H2BK1: variants seen among roughly 807,000 people sequenced by gnomAD.
H2BK1 encodes histone H2B type 2-K1.
At chr7:151,208,018 A>T in the H2BK1 span, 1 of 1,605,946 alleles carries the variant, frequency 6.2e-7, no homozygotes, top group South Asian at 1.1e-5. Flanking sequence ...CCAGCCGGGC[A>T]GCCTCACACG....
At chr7:151,209,146 C>T in the H2BK1 span, among the ~76,000 whole-genome samples, 5 of 151,986 alleles carry the variant, frequency 3.3e-5, no homozygotes, top group East Asian at 9.6e-4. Flanking sequence ...TGAGTACAGG[C>T]CTTGTCCCAC....
At chr7:151,208,095 T>C in the H2BK1 span, 42 of 1,613,694 alleles carry the variant, frequency 2.6e-5, no homozygotes, top group Non-Finnish European at 3.0e-5. Context: ...GAGATGCCAA[T>C]GTCAGGGTGC....
chr7:151,210,397 TG>T, the H2BK1 span: 1 of 185,316 alleles, frequency 5.4e-6, no homozygotes, highest in Non-Finnish European at 9.6e-6. Context: ...CAGGTGTGGC[TG>T]GGGACATGCA....
At chr7:151,208,248 C>T in the H2BK1 span, 1 of 717,792 alleles carries the variant, frequency 1.4e-6, no homozygotes. Context: ...CCAGCCCCTT[C>T]CCAGAGGCCA....
the H2BK1 span, among the ~76,000 whole-genome samples, chr7:151,209,045 C>A: frequency 7.2e-6 from 1 of 137,992 alleles, no homozygotes; most frequent in Non-Finnish European, 1.5e-5. Flanking sequence ...TCTGCCCAAA[C>A]CCCCTCTGCT....
the H2BK1 span, among the ~76,000 whole-genome samples, chr7:151,209,304 C>T: frequency 0.019 from 2,891 of 152,098 alleles, 100 homozygotes; most frequent in African/African-American, 0.066. Context: ...ACCCACCCAC[C>T]CCCAACCCCA....
the H2BK1 span, among the ~76,000 whole-genome samples, chr7:151,209,045 C>G: frequency 7.2e-6 from 1 of 137,992 alleles, no homozygotes; most frequent in East Asian, 2.3e-4. Flanking sequence ...TCTGCCCAAA[C>G]CCCCTCTGCT....
chr7:151,209,898 T>C, the H2BK1 span, among the ~76,000 whole-genome samples: 1 of 152,152 alleles, frequency 6.6e-6, no homozygotes, highest in Admixed American at 6.5e-5. Flanking sequence ...GAAAGTGTGG[T>C]CCTCTTGTCC....
the H2BK1 span, chr7:151,208,242 C>A: frequency 2.6e-6 from 2 of 770,476 alleles, no homozygotes; most frequent in Non-Finnish European, 2.2e-6. Flanking sequence ...TCCTCACCAG[C>A]CCCTTCCCAG....
At chr7:151,209,393 T>C in the H2BK1 span, among the ~76,000 whole-genome samples, 2 of 150,386 alleles carry the variant, frequency 1.3e-5, no homozygotes, top group African/African-American at 2.4e-5. Context: ...GCATTACCTC[T>C]GGGGCCTGCT....
At chr7:151,210,425 G>C in the H2BK1 span, 1,466 of 360,914 alleles carry the variant, frequency 4.1e-3, 49 homozygotes, top group African/African-American at 0.028. Flanking sequence ...AGGGGGGGGG[G>C]GGGCAGGTGG....
the H2BK1 span, chr7:151,210,205 G>T: frequency 7.5e-6 from 3 of 399,116 alleles, no homozygotes; most frequent in Non-Finnish European, 1.3e-5. Flanking sequence ...GCACCTTGTA[G>T]ATATACATGG....
the H2BK1 span, chr7:151,207,847 C>T: frequency 4.8e-6 from 4 of 828,562 alleles, no homozygotes; most frequent in Non-Finnish European, 8.4e-6. Context: ...AACAGTTCAC[C>T]CTTTATTTTT....
the H2BK1 span, among the ~76,000 whole-genome samples, chr7:151,209,203 G>C: frequency 6.6e-6 from 1 of 152,060 alleles, no homozygotes; most frequent in South Asian, 2.1e-4. Flanking sequence ...AAGACACAAG[G>C]CTCAGCGATA....
At chr7:151,208,278 T>C in the H2BK1 span, among the ~76,000 whole-genome samples, 2 of 152,148 alleles carry the variant, frequency 1.3e-5, no homozygotes, top group African/African-American at 2.4e-5. Flanking sequence ...GAAATAGGGA[T>C]TTGTGTTTTC....
the H2BK1 span, chr7:151,208,125 C>T: frequency 6.2e-7 from 1 of 1,613,740 alleles, no homozygotes; most frequent in East Asian, 2.2e-5. Flanking sequence ...GAGGGCAGCA[C>T]CACTCGGTTA....
the H2BK1 span, among the ~76,000 whole-genome samples, chr7:151,209,549 G>A: frequency 2.5e-4 from 38 of 152,278 alleles, no homozygotes; most frequent in African/African-American, 9.1e-4. Flanking sequence ...CAAGTCCTGG[G>A]AGTAGCTGCT....
chr7:151,207,995 C>T, the H2BK1 span: 1 of 1,555,378 alleles, frequency 6.4e-7, no homozygotes, highest in Non-Finnish European at 8.9e-7. Flanking sequence ...GGTGGTCCGG[C>T]CCGAGTACTG....
At chr7:151,209,379 A>C in the H2BK1 span, among the ~76,000 whole-genome samples, 6 of 150,774 alleles carry the variant, frequency 4.0e-5, no homozygotes, top group African/African-American at 1.2e-4. Flanking sequence ...TGGACTGGAG[A>C]CAGGCATTAC....
Sources: gnomAD v4.1 joint callset for allele counts (sites outside exome capture counted in the v4.1 genomes callset) on GRCh38, gnomAD v4.1.1 for gene constraint, MANE v1.5 for transcripts, NCBI Gene and HGNC (gene_info 2026-07-23, HGNC 2026-07-21) for gene names.